GGACT: variants seen among roughly 807,000 people sequenced by gnomAD.
GGACT encodes gamma-glutamylaminecyclotransferase.
For missense variants in GGACT, 241 were observed against 233.2 expected (o/e 1.03, Z -0.22); for synonymous variants, 118 against 115.3 (o/e 1.02, Z -0.15).
intron 1 of GGACT, among the ~76,000 whole-genome samples, chr13:100,585,491 A>T (rs2153017675): frequency 6.6e-6 from 1 of 152,196 alleles, no homozygotes. Flanking sequence ...GCAACAGCTG[A>T]GCACGGTGGC....
At chr13:100,550,175 G>C (rs1028717430) in intron 2 of GGACT, among the ~76,000 whole-genome samples, 2 of 152,112 alleles carry the variant, frequency 1.3e-5, no homozygotes, top group East Asian at 3.9e-4. Context: ...CGGCCACTGT[G>C]TGCTGGCCGG....
At chr13:100,566,427 T>A (rs1874880539) in intron 2 of GGACT, among the ~76,000 whole-genome samples, 1 of 152,250 alleles carries the variant, frequency 6.6e-6, no homozygotes, top group African/African-American at 2.4e-5. Context: ...CTCAGCACTC[T>A]GCCTGGCAAA....
intron 2 of GGACT, chr13:100,535,849 C>T (rs1267032842): frequency 6.6e-6 from 1 of 151,972 alleles, no homozygotes; most frequent in Non-Finnish European, 1.5e-5. Flanking sequence ...GTAATTCAGC[C>T]TCGCAGTTTC....
intron 2 of GGACT, chr13:100,539,004 T>G (rs1594183417): frequency 6.6e-6 from 1 of 152,232 alleles, no homozygotes; most frequent in Non-Finnish European, 1.5e-5. Flanking sequence ...AGTTTGTCTT[T>G]TCAGATTGCT....
intron 2 of GGACT, among the ~76,000 whole-genome samples, chr13:100,563,680 AGAT>A (rs2088785318): frequency 6.6e-6 from 1 of 152,200 alleles, no homozygotes; most frequent in Non-Finnish European, 1.5e-5. Flanking sequence ...AAACTTTAAA[AGAT>A]GATACAGATA....
chr13:100,543,670 A>G (rs191856283), intron 2 of GGACT, among the ~76,000 whole-genome samples: 12 of 152,372 alleles, frequency 7.9e-5, no homozygotes, highest in African/African-American at 2.4e-4. Flanking sequence ...GTAACAATGC[A>G]TACTGCCAGT....
At chr13:100,543,325 A>G (rs2088572676) in intron 2 of GGACT, among the ~76,000 whole-genome samples, 1 of 146,552 alleles carries the variant, frequency 6.8e-6, no homozygotes, top group African/African-American at 2.5e-5. Context: ...CTCCTGCCTC[A>G]GCCTCCTGAG....
At chr13:100,567,737 G>A (rs1874946337) in intron 2 of GGACT, among the ~76,000 whole-genome samples, 2 of 152,132 alleles carry the variant, frequency 1.3e-5, no homozygotes, top group Admixed American at 1.3e-4. Flanking sequence ...TGAAAACCAT[G>A]AATTCACACA....
At chr13:100,570,832 T>C (rs1016731743) in intron 2 of GGACT, among the ~76,000 whole-genome samples, 26 of 152,130 alleles carry the variant, frequency 1.7e-4, no homozygotes, top group Non-Finnish European at 3.1e-4. Context: ...ACTGGGGTGC[T>C]GCTATAAGGA....
chr13:100,588,229 G>T (rs985203426), intron 1 of GGACT, among the ~76,000 whole-genome samples: 7 of 152,200 alleles, frequency 4.6e-5, no homozygotes, highest in African/African-American at 7.2e-5. Context: ...AATTTCAGAA[G>T]TTTCACTAAT....
chr13:100,566,619 G>A (rs934498933), intron 2 of GGACT, among the ~76,000 whole-genome samples: 10 of 129,490 alleles, frequency 7.7e-5, no homozygotes, highest in African/African-American at 1.5e-4. Flanking sequence ...CATGCTCCTC[G>A]GCTCTCAGCC....
intron 2 of GGACT, chr13:100,539,749 AGGAG>A: frequency 1.6e-6 from 1 of 624,824 alleles, no homozygotes; most frequent in South Asian, 2.0e-5. Flanking sequence ...GAAGAGTTTC[AGGAG>A]GACTGGTGTG....
At chr13:100,570,559 A>G (rs752818163) in intron 2 of GGACT, among the ~76,000 whole-genome samples, 6 of 152,134 alleles carry the variant, frequency 3.9e-5, no homozygotes, top group Non-Finnish European at 8.8e-5. Context: ...ACAATTCAAG[A>G]TGAGATTTGG....
intron 2 of GGACT, among the ~76,000 whole-genome samples, chr13:100,540,958 C>T (rs1330730897): frequency 6.6e-6 from 1 of 152,234 alleles, no homozygotes; most frequent in African/African-American, 2.4e-5. Context: ...CCACATGTTA[C>T]TGTGTCTTCA....
At chr13:100,574,061 T>C (rs190119132) in intron 2 of GGACT, among the ~76,000 whole-genome samples, 87 of 152,280 alleles carry the variant, frequency 5.7e-4, no homozygotes, top group Non-Finnish European at 2.6e-4. Context: ...AATAGATCAT[T>C]CTACCAAAAA....
At chr13:100,571,645 A>G (rs548508358) in intron 2 of GGACT, among the ~76,000 whole-genome samples, 8 of 152,272 alleles carry the variant, frequency 5.3e-5, no homozygotes, top group African/African-American at 1.9e-4. Context: ...GATGTACTTC[A>G]TTTCAAAGTC....
chr13:100,585,198 T>C (rs902291782), intron 1 of GGACT, among the ~76,000 whole-genome samples: 8 of 152,104 alleles, frequency 5.3e-5, no homozygotes, highest in South Asian at 4.1e-4. Context: ...CAGTCATTGG[T>C]ATTGAGGAAA....
At chr13:100,560,963 G>C (rs2088754195) in intron 2 of GGACT, among the ~76,000 whole-genome samples, 1 of 152,194 alleles carries the variant, frequency 6.6e-6, no homozygotes, top group Admixed American at 6.5e-5. Context: ...TCCAGGGCCT[G>C]GGATAGTGGG....
chr13:100,581,531 T>A (rs1206249877), intron 2 of GGACT, among the ~76,000 whole-genome samples: 1 of 152,208 alleles, frequency 6.6e-6, no homozygotes, highest in African/African-American at 2.4e-5. Context: ...TCCATAATGA[T>A]ATAAATGGCT....
Sources: gnomAD v4.1 joint callset for allele counts (sites outside exome capture counted in the v4.1 genomes callset) on GRCh38, gnomAD v4.1.1 for gene constraint, MANE v1.5 for transcripts, NCBI Gene and HGNC (gene_info 2026-07-23, HGNC 2026-07-21) for gene names.